Variants in ST8SIA2 observed in about 807,000 individuals in gnomAD.
ST8SIA2 encodes the protein alpha-2,8-sialyltransferase 8B.
In ST8SIA2, 22 loss-of-function variants were observed where a neutral mutation model predicts 37.6. That is an observed-to-expected ratio of 0.58 (90% CI 0.42 to 0.83). The LOEUF is 0.83. Among genes scored for constraint, ST8SIA2 ranks in the 40% least tolerant of loss-of-function variants. The pLI is 0.00. For synonymous variants in ST8SIA2, 205 were observed against 201.2 expected (o/e 1.02, Z -0.16); for missense variants, 382 against 484.7 (o/e 0.79, Z 1.99).
chr15:92,406,084 G>A (rs1056820325), intron 1 of ST8SIA2, among the ~76,000 whole-genome samples: 1 of 152,164 alleles, frequency 6.6e-6, no homozygotes, highest in Non-Finnish European at 1.5e-5. Context: ...CCAAGATTTG[G>A]CTCCTGCTGA....
At chr15:92,435,207 A>T (rs1019284900) in intron 3 of ST8SIA2, among the ~76,000 whole-genome samples, 3 of 152,230 alleles carry the variant, frequency 2.0e-5, no homozygotes, top group African/African-American at 7.2e-5. Context: ...TATGACATAC[A>T]CATGAGGTGG....
intron 1 of ST8SIA2, among the ~76,000 whole-genome samples, chr15:92,429,194 C>T (rs1196005177): frequency 1.3e-5 from 2 of 152,208 alleles, no homozygotes; most frequent in Non-Finnish European, 2.9e-5. Flanking sequence ...CCTCCCCACA[C>T]CGCATACCCC....
Position 92,464,481 on chromosome 15 carries a change from G to T in ST8SIA2, c.*96G>T, listed in dbSNP as rs1013856774. ...GTGGCACAAACAATAGAACAAGCAG[G>T]CTAGTGGTTTTCTTTGTTAAAGTGT... On this transcript the variant is annotated 3_prime_UTR_variant, in exon 6 of 6. Transcript: ENST00000268164. 5.0e-6 allele frequency: 7 copies of T among 1,401,592 alleles called. No individual in the cohort carries two copies. The highest frequency in any genetic ancestry group is 4.2e-5 in the African/African-American group (3 of 70,650). The allele number at this position is 1,401,592 out of a possible 1,614,324, so 86.8% of individuals were successfully genotyped here. A position where few individuals can be genotyped will look rare whatever the true frequency, so the allele number is the denominator to read the frequency against.
At chr15:92,412,077 T>A (rs1020825581) in intron 1 of ST8SIA2, among the ~76,000 whole-genome samples, 9 of 152,070 alleles carry the variant, frequency 5.9e-5, no homozygotes, top group African/African-American at 2.2e-4. Context: ...ATTTGAGAGA[T>A]ACCTCCTTCC....
intron 1 of ST8SIA2, among the ~76,000 whole-genome samples, chr15:92,423,923 G>A (rs1183643759): frequency 6.6e-6 from 1 of 152,196 alleles, no homozygotes; most frequent in Non-Finnish European, 1.5e-5. Context: ...GACCACTGTT[G>A]ACAGCCCTGG....
rs188595832 is a variant in ST8SIA2, at chr15:92,462,073, G to T, written c.843-2027G>T. ...GAGGAAAGGGGTCTTCGAAAGACAG[G>T]CTTATGAAACAACCGCGGTTGTCTA... On this transcript the variant is annotated intron_variant, in intron 5 of 5. Coordinates refer to ENST00000268164, the MANE Select transcript of ST8SIA2 (RefSeq NM_006011.4). Among the ~76,000 whole-genome samples, 137 of 152,170 alleles carry T rather than the reference G, an allele frequency of 9.0e-4. No individual in the cohort carries two copies. In the Middle Eastern group the frequency reaches 0.02, roughly 23 times the overall value.
chr15:92,455,559 G>A (rs560079006), intron 5 of ST8SIA2, among the ~76,000 whole-genome samples: 1 of 152,284 alleles, frequency 6.6e-6, no homozygotes, highest in South Asian at 2.1e-4. Context: ...TTTAAGTACT[G>A]CACCTTGTTA....
intron 1 of ST8SIA2, among the ~76,000 whole-genome samples, chr15:92,428,321 T>C (rs771061336): frequency 3.3e-5 from 5 of 152,244 alleles, no homozygotes; most frequent in Non-Finnish European, 5.9e-5. Flanking sequence ...GAAACATTTG[T>C]TAAATCCGTG....
At chr15:92,412,392 G>A (rs1005399913) in intron 1 of ST8SIA2, among the ~76,000 whole-genome samples, 1 of 151,850 alleles carries the variant, frequency 6.6e-6, no homozygotes, top group Non-Finnish European at 1.5e-5. Context: ...ATGAAGGGGT[G>A]AGCAGGGCCT....
intron 5 of ST8SIA2, 173 bp downstream of exon 5, chr15:92,445,102 T>G: frequency 1.0e-6 from 1 of 963,192 alleles, no homozygotes; most frequent in Non-Finnish European, 1.6e-6. Context: ...GATGAGGGGG[T>G]TTGGCAAGTG....
intron 5 of ST8SIA2, among the ~76,000 whole-genome samples, chr15:92,455,549 T>C (rs2049914201): frequency 6.6e-6 from 1 of 152,176 alleles, no homozygotes; most frequent in African/African-American, 2.4e-5. Flanking sequence ...CGGAACGTGG[T>C]TTAAGTACTG....
chr15:92,462,393 C>T (rs758142753), intron 5 of ST8SIA2, among the ~76,000 whole-genome samples: 4 of 152,100 alleles, frequency 2.6e-5, no homozygotes, highest in Admixed American at 6.5e-5. Context: ...GATTTAAGGT[C>T]GACACTGTGG....
At chr15:92,413,713 A>G (rs1374926569) in intron 1 of ST8SIA2, among the ~76,000 whole-genome samples, 3 of 152,218 alleles carry the variant, frequency 2.0e-5, no homozygotes, top group Non-Finnish European at 4.4e-5. Context: ...CCCTGCGGTC[A>G]TGTGGAGAAG....
chr15:92,420,570 T>C (rs545819978), intron 1 of ST8SIA2, among the ~76,000 whole-genome samples: 1 of 152,258 alleles, frequency 6.6e-6, no homozygotes, highest in African/African-American at 2.4e-5. Flanking sequence ...TAAAAGCTGA[T>C]TAACAAGCAA....
At chr15:92,463,507 C>T (rs1464942334) in intron 5 of ST8SIA2, among the ~76,000 whole-genome samples, 4 of 152,100 alleles carry the variant, frequency 2.6e-5, no homozygotes, top group East Asian at 1.9e-4. Flanking sequence ...AATGCAGATC[C>T]GCGAGGGGAC....
chr15:92,444,912 G>C lies in ST8SIA2; in HGVS notation c.825G>C (p.Leu275=), dbSNP rs757183449. The change falls in exon 5 of 6, where the codon CTG becomes CTC. Residue 275 remains leucine, a synonymous_variant. Coordinates refer to ENST00000268164, the MANE Select transcript of ST8SIA2 (RefSeq NM_006011.4). ...NVRTAYPSLR[L]LHAVRGYWLT... The stretch of plus-strand genomic sequence containing the variant: ...GCACTGCATACCCCTCGCTGCGCCT[G>C]CTGCACGCCGTTCGCGGGTGAGCGG... 3.7e-6 allele frequency: 6 copies of C among 1,611,970 alleles called. No individual in the cohort carries two copies. In the African/African-American group the frequency reaches 5.3e-5, roughly 14 times the overall value.
At position 92,429,488 on chromosome 15, in the gene ST8SIA2, G is replaced by A. The variant is rs549157237; in HGVS notation, c.99-561G>A. On this transcript the variant is annotated intron_variant, in intron 1 of 5. Transcript: ENST00000268164. ...TCACATACACCCTTCTCACTTCCCAGTAGAGTGACACCACTTAATACTATT... is the reference window on the plus strand; with the variant it reads ...TCACATACACCCTTCTCACTTCCCAATAGAGTGACACCACTTAATACTATT... Among the ~76,000 whole-genome samples the A allele has an allele frequency of 1.1e-3, 170 of 152,324 alleles. 1 individual carries two copies. The highest frequency in any genetic ancestry group is 4.0e-3 in the African/African-American group (167 of 41,572).
chr15:92,402,399 T>C (rs1024647259), intron 1 of ST8SIA2, among the ~76,000 whole-genome samples: 4 of 152,196 alleles, frequency 2.6e-5, no homozygotes, highest in African/African-American at 9.7e-5. Flanking sequence ...TTTTACAGAT[T>C]AGTGAACTGA....
intron 1 of ST8SIA2, among the ~76,000 whole-genome samples, chr15:92,429,445 A>G (rs1264336803): frequency 2.6e-5 from 4 of 152,198 alleles, no homozygotes; most frequent in Non-Finnish European, 5.9e-5. Flanking sequence ...CAGAGGAAGA[A>G]ACAAGGGATC....
Sources: allele counts gnomAD v4.1 joint callset (sites outside exome capture counted in the v4.1 genomes callset), GRCh38; gene constraint gnomAD v4.1.1; transcripts MANE v1.5; gene names NCBI Gene and HGNC (gene_info 2026-07-23, HGNC 2026-07-21).